Variants in E2F2 observed in about 807,000 individuals in gnomAD.
The protein encoded by E2F2 is transcription factor E2F2.
Under a neutral mutation model 42.2 loss-of-function variants are expected in E2F2, and 22 were observed. The ratio of observed to expected loss-of-function variants is 0.52; its 90% confidence interval spans 0.37 to 0.74. The LOEUF (loss-of-function observed/expected upper bound fraction) is 0.74, where lower values mean the gene tolerates loss of function less well. Among genes scored for constraint, E2F2 ranks in the 30% least tolerant of loss-of-function variants. The pLI is 0.00. For missense variants in E2F2, 481 were observed against 557.8 expected (o/e 0.86, Z 1.39); for synonymous variants, 248 against 251.6 (o/e 0.99, Z 0.13).
downstream of E2F2, among the ~76,000 whole-genome samples, chr1:23,506,034 G>C (rs1477780770): frequency 1.3e-5 from 2 of 152,198 alleles, no homozygotes; most frequent in Non-Finnish European, 1.5e-5. Context: ...CTAACTTCAA[G>C]TGATCCACCG....
At position 23,519,112 on chromosome 1, in the gene E2F2, G is replaced by A; in HGVS notation, c.756C>T (p.Tyr252=). ...AGTTGCCAACAGCACGGATATCCTG[G>A]TAAGTCACATAGGCCAGCGTAGGGC... ...KANKRLAYVT[Y]QDIRAVGNFK... Residue 252 remains tyrosine (Y), a synonymous_variant, in exon 5 of 7, where the codon TAC becomes TAT. Transcript: ENST00000361729. 1 of 1,613,838 alleles carries A rather than the reference G, an allele frequency of 6.2e-7. No homozygotes were observed. Among genetic ancestry groups the A allele is most frequent in the East Asian group, 2.2e-5 (1 of 44,852 alleles).
rs546937663 is a variant in E2F2, at chr1:23,516,387, G to T, written c.993C>A (p.Ala331=). 6.3e-7 allele frequency: 1 copy of T among 1,592,052 alleles called. No homozygotes were observed. Among genetic ancestry groups the T allele is most frequent in the African/African-American group, 1.4e-5 (1 of 73,528 alleles). The change falls in exon 6 of 7, where the codon GCC becomes GCA. Residue 331 remains alanine (A), a synonymous_variant. Coordinates refer to ENST00000361729, the MANE Select transcript of E2F2 (RefSeq NM_004091.4). ...TSTLCPSPDS[A]QPSSSTDPSI... The stretch of plus-strand genomic sequence containing the variant: ...TAGGGTCGGTGCTGCTGCTGGGCTG[G>T]GCAGAGTCAGGGCTGGGGCAGAGGG...
rs6688911 is a variant in E2F2 at position 23,519,272 on chromosome 1, G to A, written c.738-142C>T. On this transcript the variant is annotated intron_variant, in intron 4 of 6. Transcript: ENST00000361729. Reference sequence around the variant, plus strand: ...GTACAACTTAGAAATAATACAATCTGTAACCTGTTAATCTCATAAGCTACC... The same window carrying A: ...GTACAACTTAGAAATAATACAATCTATAACCTGTTAATCTCATAAGCTACC... 1,678 of 527,396 alleles carry A rather than the reference G, an allele frequency of 3.2e-3. 21 individuals are homozygous for A. The highest frequency in any genetic ancestry group is 0.027 in the African/African-American group (1,404 of 52,004). 32.7% of individuals were successfully genotyped at this position (527,396 alleles called of 1,614,324 possible). A position where few individuals can be genotyped will look rare whatever the true frequency, so the allele number is the denominator to read the frequency against.
chr1:23,527,404 G>A (rs745754660), intron 1 of E2F2, among the ~76,000 whole-genome samples: 2 of 152,250 alleles, frequency 1.3e-5, no homozygotes, highest in Non-Finnish European at 2.9e-5. Context: ...GACGCTCTTA[G>A]GCAGCCCCTT....
intron 1 of E2F2, among the ~76,000 whole-genome samples, chr1:23,526,934 C>T (rs1643260726): frequency 6.6e-6 from 1 of 152,134 alleles, no homozygotes; most frequent in South Asian, 2.1e-4. Context: ...TCCCAGGGTC[C>T]CAATGCGGCA....
chr1:23,525,686 C>T (rs117713940), intron 1 of E2F2, among the ~76,000 whole-genome samples: 1 of 152,312 alleles, frequency 6.6e-6, no homozygotes, highest in East Asian at 1.9e-4. Context: ...TGGTTAGCTC[C>T]TGCTCCTTTA....
downstream of E2F2, among the ~76,000 whole-genome samples, chr1:23,506,086 T>A (rs759199023): frequency 1.1e-4 from 17 of 152,176 alleles, no homozygotes; most frequent in Non-Finnish European, 2.4e-4. Flanking sequence ...ATGTCTCACA[T>A]TTCCAGGTGA....
At position 23,524,244 on chromosome 1, in the gene E2F2, G is replaced by A. The variant is rs1570470618; in HGVS notation, c.358+139C>T. 21 of 653,774 alleles carry A rather than the reference G, an allele frequency of 3.2e-5. 1 individual carries two copies. In the South Asian group the frequency reaches 5.0e-4, roughly 16 times the overall value. The allele number at this position is 653,774 out of a possible 1,614,324, so 40.5% of individuals were successfully genotyped here. The stretch of plus-strand genomic sequence containing the variant: ...TAAAGACAGACAAGCCTACCTACCT[G>A]GCAGGATCAAATAATAAAATACGCA... On this transcript the variant is annotated intron_variant, in intron 2 of 6. Transcript: ENST00000361729.
intron 6 of E2F2, among the ~76,000 whole-genome samples, chr1:23,510,465 C>T (rs1642889274): frequency 6.6e-6 from 1 of 152,126 alleles, no homozygotes; most frequent in South Asian, 2.1e-4. Flanking sequence ...AGCTGGACTA[C>T]AGGCATGCAC....
chr1:23,518,928 A>T, intron 5 of E2F2, 88 bp downstream of exon 5: 1 of 995,654 alleles, frequency 1.0e-6, no homozygotes, highest in Non-Finnish European at 1.5e-6. Context: ...GGGGCTAGGC[A>T]GTGCCAGGGA....
downstream of E2F2, among the ~76,000 whole-genome samples, chr1:23,505,377 G>A (rs1316659516): frequency 6.6e-6 from 1 of 152,212 alleles, no homozygotes; most frequent in Non-Finnish European, 1.5e-5. Flanking sequence ...AAGATCAAGT[G>A]TAGAAAGATC....
chr1:23,530,055 C>G lies in E2F2; in HGVS notation c.252+487G>C, dbSNP rs1321495502. Among the ~76,000 whole-genome samples the G allele has an allele frequency of 6.6e-6, 1 of 152,212 alleles. No homozygotes were observed. Among genetic ancestry groups the G allele is most frequent in the African/African-American group, 2.4e-5 (1 of 41,454 alleles). On this transcript the variant is annotated intron_variant, in intron 1 of 6. Transcript: ENST00000361729. This position sits in a 1 kb window ranked among gnomAD's most constrained non-coding sequence, Gnocchi z 4.4. ...CAGATACTTGGGGCTATCTCAGGAG[C>G]TGGCTGGACAATTTGGAGTCTGTCC...
intron 6 of E2F2, among the ~76,000 whole-genome samples, chr1:23,512,130 G>A (rs1036189885): frequency 2.6e-5 from 4 of 152,156 alleles, no homozygotes; most frequent in Non-Finnish European, 4.4e-5. Context: ...CCCAGGAGGT[G>A]GAGGTTGTAG....
Position 23,530,887 on chromosome 1 carries a change from G to T in E2F2, c.-94C>A. On this transcript the variant is annotated 5_prime_UTR_variant, in exon 1 of 7. Coordinates refer to ENST00000361729, the MANE Select transcript of E2F2 (RefSeq NM_004091.4). The surrounding 1 kb of genome is among the most constrained non-coding windows in gnomAD (Gnocchi z 4.4). ...CCGCCTTTCACACGGCCCGCGGCAT[G>T]GCGCGGAGGCCGGGGGAAGCCGCCA... The T allele has an allele frequency of 7.2e-7, 1 of 1,390,574 alleles. No individual in the cohort carries two copies. The highest frequency in any genetic ancestry group is 9.3e-7 in the Non-Finnish European group (1 of 1,072,830). The allele number at this position is 1,390,574 out of a possible 1,614,324, so 86.1% of individuals were successfully genotyped here. A position where few individuals can be genotyped will look rare whatever the true frequency, so the allele number is the denominator to read the frequency against.
In E2F2 at chr1:23,507,774, A is replaced by T. The variant is rs1448512539; in HGVS notation, c.*2106T>A. On this transcript the variant is annotated 3_prime_UTR_variant, in exon 7 of 7. Coordinates refer to ENST00000361729, the MANE Select transcript of E2F2 (RefSeq NM_004091.4). ...CTGAAGGCAGCTCCCCTGACCAGCC[A>T]TATGGAGAGGCCTCTAGGGCATGAG... 6.6e-6 allele frequency: 1 copy of T among 152,302 alleles called. No individual in the cohort carries two copies. Among genetic ancestry groups the T allele is most frequent in the African/African-American group, 2.4e-5 (1 of 41,446 alleles). 9.4% of individuals were successfully genotyped at this position (152,302 alleles called of 1,614,324 possible).
intron 2 of E2F2, among the ~76,000 whole-genome samples, chr1:23,523,721 C>T (rs576819806): frequency 6.6e-6 from 1 of 152,146 alleles, no homozygotes; most frequent in Non-Finnish European, 1.5e-5. Flanking sequence ...AATAAATTCC[C>T]AAATAAAACA....
chr1:23,512,199 CAAAATA>C (rs1306783789), intron 6 of E2F2, among the ~76,000 whole-genome samples: 2 of 152,000 alleles, frequency 1.3e-5, no homozygotes, highest in Non-Finnish European at 2.9e-5. Context: ...ACTCGTGTCT[CAAAATA>C]AAAATAAATA....
chr1:23,521,773 C>T lies in E2F2; in HGVS notation c.578+64G>A, dbSNP rs900232124. On this transcript the variant is annotated intron_variant, in intron 3 of 6. Coordinates refer to ENST00000361729, the MANE Select transcript of E2F2 (RefSeq NM_004091.4). ...TGCCACTCACACCCACTGGCTATTGCCTCTGGCTCCGCCCACAGCACAAGT... is the reference window on the plus strand; with the variant it reads ...TGCCACTCACACCCACTGGCTATTGTCTCTGGCTCCGCCCACAGCACAAGT... The T allele has an allele frequency of 1.3e-5, 20 of 1,587,278 alleles. No homozygotes were observed. The African/African-American group carries it at 1.4e-4, about 11-fold the overall frequency.
At chr1:23,523,920 A>G (rs1286134761) in intron 2 of E2F2, among the ~76,000 whole-genome samples, 2 of 151,978 alleles carry the variant, frequency 1.3e-5, no homozygotes, top group Non-Finnish European at 2.9e-5. Context: ...CTAAAAATAC[A>G]AAAATTAGGC....
Sources: allele counts gnomAD v4.1 joint callset (sites outside exome capture counted in the v4.1 genomes callset), GRCh38; gene constraint gnomAD v4.1.1; non-coding constraint Gnocchi (gnomAD v3.1); transcripts MANE v1.5; gene names NCBI Gene and HGNC (gene_info 2026-07-23, HGNC 2026-07-21).